ZNF638: variants seen among roughly 807,000 people sequenced by gnomAD.
ZNF638 encodes the protein CTCL tumor antigen se33-1.
ZNF638 carries 46 observed loss-of-function variants against 195.6 expected under a neutral mutation model. The ratio of observed to expected loss-of-function variants is 0.24; its 90% CI spans 0.19 to 0.30. ZNF638 has a LOEUF of 0.30. ZNF638 is among the 10% of genes least tolerant of loss of function. The pLI is 1.00. For missense variants in ZNF638, 2,440 were observed against 2,325.3 expected (o/e 1.05, Z -1.01); for synonymous variants, 845 against 772.0 (o/e 1.09, Z -1.57).
At chr2:71,368,617 A>G (rs778472035) in intron 7 of ZNF638, 89 bp downstream of exon 7, 19 of 1,338,844 alleles carry the variant, frequency 1.4e-5, no homozygotes, top group Admixed American at 4.2e-5. Flanking sequence ...AGCTGCTTGT[A>G]CTGCATATAT....
chr2:71,380,373 T>C (rs1271762316), intron 9 of ZNF638, 93 bp downstream of exon 9: 2 of 1,116,104 alleles, frequency 1.8e-6, no homozygotes, highest in Non-Finnish European at 2.5e-6. Flanking sequence ...ATATATTTTA[T>C]CACTATAACT....
At chr2:71,431,080 G>A (rs753491783) in intron 25 of ZNF638, 10 of 357,158 alleles carry the variant, frequency 2.8e-5, no homozygotes, top group Non-Finnish European at 5.3e-5. Flanking sequence ...GTTAAATTCT[G>A]CCTGGAACAT....
Position 71,402,051 on chromosome 2 carries a change from T to C in ZNF638, c.2793T>C (p.Gly931=). 1 of 1,607,628 alleles carries C rather than the reference T, an allele frequency of 6.2e-7. No homozygotes were observed. The highest frequency in any genetic ancestry group is 1.1e-5 in the South Asian group (1 of 89,796). ...ATGACTTAGCAAAACCATTTGGTGG[T>C]TTAAAGGATATCTTGATTTTATCAT... ...EVYDLAKPFG[G]LKDILILSSH... The change falls in exon 16 of 28, where the codon GGT becomes GGC. Residue 931 remains glycine (G), a synonymous_variant. Coordinates refer to ENST00000264447, the MANE Select transcript of ZNF638 (RefSeq NM_014497.5).
At chr2:71,380,688 T>A in intron 10 of ZNF638, 123 bp downstream of exon 10, 1 of 659,128 alleles carries the variant, frequency 1.5e-6, no homozygotes, top group Non-Finnish European at 2.5e-6. Flanking sequence ...TTACATTCTT[T>A]AATTGGCCCC....
chr2:71,393,116 T>C (rs949189958), intron 10 of ZNF638, among the ~76,000 whole-genome samples: 8 of 152,150 alleles, frequency 5.3e-5, no homozygotes, highest in African/African-American at 1.9e-4. Context: ...CAGGCCATAG[T>C]AGAACGTGCC....
Position 71,426,535 on chromosome 2 carries a change from G to A in ZNF638, c.4666G>A (p.Ala1556Thr), listed in dbSNP as rs1278393736. 2.5e-6 allele frequency: 4 copies of A among 1,613,714 alleles called. No homozygotes were observed. The change falls in exon 24 of 28, where the codon GCC (alanine) becomes ACC (threonine). Residue 1556 changes from alanine to threonine, a missense_variant. Around this residue, in one of 5 missense-constraint regions of ZNF638, gnomAD observed 1,883 missense variants for 1,739.1 expected, o/e 1.08. Transcript: ENST00000264447. ...EVIEEVNPSQ[A>T]KQNPLKGKRK... ...TATAGAAGAAGTGAATCCTTCTCAG[G>A]CCAAGCAGAATCCACTAAAGGGAAA...
rs760578974 is a variant in ZNF638, at chr2:71,431,343, A to G, written c.5667A>G (p.Gly1889=). ...AAATTTTAGTTGATGAGGAATCTGG[A>G]TTAAAGGATTCAGAACCAGAGCGAA... ...FQMSEVDEES[G]LKDSEPERKR... is the part of the protein sequence containing the mutation. Residue 1889 remains glycine (G), a synonymous_variant, in exon 26 of 28, where the codon GGA becomes GGG. Coordinates refer to ENST00000264447, the MANE Select transcript of ZNF638 (RefSeq NM_014497.5). The G allele has an allele frequency of 7.4e-6, 12 of 1,613,472 alleles. No homozygotes were observed. In the South Asian group the frequency reaches 1.3e-4, roughly 18 times the overall value.
chr2:71,406,737 C>T (rs1324729248), intron 19 of ZNF638, among the ~76,000 whole-genome samples: 1 of 152,132 alleles, frequency 6.6e-6, no homozygotes, highest in Non-Finnish European at 1.5e-5. Context: ...CAGTGGCTCA[C>T]CCCTGTAATC....
chr2:71,360,930 TC>T (rs2079098506), intron 3 of ZNF638, among the ~76,000 whole-genome samples: 1 of 152,186 alleles, frequency 6.6e-6, no homozygotes, highest in Non-Finnish European at 1.5e-5. Context: ...ATCTTTCTGC[TC>T]TGGGCAGCAG....
rs377252724 is a variant in ZNF638 at position 71,345,105 on chromosome 2, C to T, written c.-202-3648C>T. Among the ~76,000 whole-genome samples, 6 of 152,144 alleles carry T rather than the reference C, an allele frequency of 3.9e-5. No individual in the cohort carries two copies. The South Asian group carries it at 8.3e-4, about 21-fold the overall frequency. ...AGAGCAACCACATTCATAAAACTTT[C>T]ATTATGCTATATTTTAATTATTTTT... On this transcript the variant is annotated intron_variant, in intron 1 of 27. Transcript: ENST00000264447.
Position 71,433,158 on chromosome 2 carries a change from C to A in ZNF638, c.5753-7C>A. ...TAATTTTCTTCTTGTCTCTTCTTAT[C>A]CTCTAGAATTAGACTTTCTTGTACC... On this transcript the variant is annotated splice_region_variant and splice_polypyrimidine_tract_variant and intron_variant, in intron 26 of 27. Coordinates refer to ENST00000264447, the MANE Select transcript of ZNF638 (RefSeq NM_014497.5). 6.5e-7 allele frequency: 1 copy of A among 1,545,034 alleles called. No homozygotes were observed. The highest frequency in any genetic ancestry group is 8.9e-7 in the Non-Finnish European group (1 of 1,117,984).
Position 71,423,425 on chromosome 2 carries a change from A to G in ZNF638, c.3911A>G (p.Lys1304Arg). 1.2e-6 allele frequency: 2 copies of G among 1,613,696 alleles called. No individual in the cohort carries two copies. Among genetic ancestry groups the G allele is most frequent in the East Asian group, 2.2e-5 (1 of 44,866 alleles). ...GACAAAAAGAATATTTCTGAAAAAA[A>G]AGGTAACATGGATGAAAAGGAGGAG... ...TVDKKNISEK[K>R]GNMDEKEEKE... The change falls in exon 22 of 28, where the codon AAA (lysine) becomes AGA (arginine). Residue 1304 changes from lysine to arginine, a missense_variant. Physicochemically the swap from Lys to Arg is conservative, Grantham distance 26 (BLOSUM62 2). Coordinates refer to ENST00000264447, the MANE Select transcript of ZNF638 (RefSeq NM_014497.5).
intron 1 of ZNF638, among the ~76,000 whole-genome samples, chr2:71,338,598 G>A (rs1418495843): frequency 3.3e-5 from 5 of 152,044 alleles, no homozygotes; most frequent in Admixed American, 6.5e-5. Context: ...GTGAAAATTC[G>A]TTATTCTTCT....
chr2:71,390,608 G>T (rs137969441), intron 10 of ZNF638, among the ~76,000 whole-genome samples: 1,856 of 152,242 alleles, frequency 0.012, 22 homozygotes, highest in Non-Finnish European at 0.02. Context: ...AAAGAGGAAG[G>T]GAAGTTTTGG....
At chr2:71,378,934 G>C (rs936818451) in intron 8 of ZNF638, among the ~76,000 whole-genome samples, 1 of 152,172 alleles carries the variant, frequency 6.6e-6, no homozygotes, top group Non-Finnish European at 1.5e-5. Flanking sequence ...TGTGGTTTGG[G>C]AGTTAGAAGG....
intron 21 of ZNF638, among the ~76,000 whole-genome samples, chr2:71,419,679 C>G (rs540605558): frequency 6.6e-6 from 1 of 151,992 alleles, no homozygotes; most frequent in Non-Finnish European, 1.5e-5. Flanking sequence ...TGAAAGCTCA[C>G]AAAGGGCTTA....
At chr2:71,357,199 CTT>C (rs923586839) in intron 3 of ZNF638, among the ~76,000 whole-genome samples, 2 of 152,100 alleles carry the variant, frequency 1.3e-5, no homozygotes, top group African/African-American at 2.4e-5. Context: ...TGTTTTGACT[CTT>C]TTGGTTCAAT....
At position 71,406,185 on chromosome 2, in the gene ZNF638, G is replaced by C; in HGVS notation, c.3058G>C (p.Gly1020Arg). The change falls in exon 19 of 28, where the codon GGA (glycine) becomes CGA (arginine). Residue 1020 changes from glycine to arginine, a missense_variant. By Grantham distance (125) the Gly-to-Arg change is moderately radical. This residue lies in a region of ZNF638 where 1,883 missense variants were observed against 1,739.1 expected (regional missense o/e 1.08). Coordinates refer to ENST00000264447, the MANE Select transcript of ZNF638 (RefSeq NM_014497.5). ...ACATCTTGATAATTTACCGGAAGATGGACTTCAGTGTGTACTTTGTGTTGG... is the reference window on the plus strand; with the variant it reads ...ACATCTTGATAATTTACCGGAAGATCGACTTCAGTGTGTACTTTGTGTTGG... ...FVHLDNLPED[G>R]LQCVLCVGLQ... is the part of the protein sequence containing the mutation. 1.2e-6 allele frequency: 2 copies of C among 1,613,702 alleles called. No individual in the cohort carries two copies. The highest frequency in any genetic ancestry group is 1.7e-6 in the Non-Finnish European group (2 of 1,179,716).
In ZNF638 at chr2:71,339,707, A is replaced by G. The variant is rs190668163; in HGVS notation, c.-203+7832A>G. Among the ~76,000 whole-genome samples, 506 of 152,292 alleles carry G rather than the reference A, an allele frequency of 3.3e-3. 4 individuals are homozygous for G. Among genetic ancestry groups the G allele is most frequent in the South Asian group, 0.012 (56 of 4,828 alleles). On this transcript the variant is annotated intron_variant, in intron 1 of 27. Transcript: ENST00000264447. ...GGTGCAGTTTCTCAGTAAAGCAGTA[A>G]ATAGGGCTGTTAACAGCATTTGAAT...
Sources: gnomAD v4.1 joint callset for allele counts (sites outside exome capture counted in the v4.1 genomes callset) on GRCh38, gnomAD v4.1.1 for gene constraint, gnomAD v4.1.1 regional missense constraint, MANE v1.5 for transcripts, NCBI Gene and HGNC (gene_info 2026-07-23, HGNC 2026-07-21) for gene names.